Variants in TP63 observed in about 807,000 individuals in gnomAD.
TP63 encodes tumor protein 63.
In TP63, 17 loss-of-function variants were observed where a neutral mutation model predicts 82.8. The ratio of observed to expected loss-of-function variants is 0.21; its 90% CI spans 0.14 to 0.31. The LOEUF is 0.31. Ranked by LOEUF, TP63 falls within the 10% of genes least tolerant of loss-of-function variation. The probability of loss-of-function intolerance (pLI) is 1.00; values close to 1 mark genes in which losing one functional copy is unlikely to be tolerated. For missense variants in TP63, 648 were observed against 895.3 expected, an observed-to-expected ratio of 0.72 and a Z score of 3.52; for synonymous variants, 330 against 321.7, an observed-to-expected ratio of 1.03 and a Z score of -0.28.
chr3:189,844,173 C>CTTTT, intron 4 of TP63: 1 of 332,732 alleles, frequency 3.0e-6, no homozygotes, highest in South Asian at 2.4e-5. Flanking sequence ...TTTCCTTTTT[C>CTTTT]TTTTTTTTTT....
the TP63 span, among the ~76,000 whole-genome samples, chr3:189,624,299 C>T: frequency 6.6e-6 from 1 of 152,026 alleles, no homozygotes; most frequent in East Asian, 1.9e-4. Context: ...CATTAAGCTA[C>T]CTCATTACCC....
the TP63 span, among the ~76,000 whole-genome samples, chr3:189,620,279 C>G: frequency 3.3e-5 from 5 of 150,814 alleles, no homozygotes; most frequent in Admixed American, 6.6e-5. Context: ...AATCCCAGCA[C>G]TTTGGGAGGC....
At chr3:189,853,388 T>C (rs1028573072) in intron 4 of TP63, among the ~76,000 whole-genome samples, 8 of 152,160 alleles carry the variant, frequency 5.3e-5, no homozygotes, top group African/African-American at 1.9e-4. Context: ...GGATCTTAAC[T>C]CCTACCACTG....
intron 4 of TP63, among the ~76,000 whole-genome samples, chr3:189,811,673 T>A (rs975641625): frequency 2.6e-4 from 39 of 152,242 alleles, no homozygotes; most frequent in Admixed American, 2.4e-3. Context: ...TTATCTTAGT[T>A]GAGCCTCATA....
At chr3:189,812,274 T>C in intron 4 of TP63, among the ~76,000 whole-genome samples, 1 of 152,212 alleles carries the variant, frequency 6.6e-6, no homozygotes. Context: ...TGATTATGTT[T>C]CCAGTTCTAC....
chr3:189,853,682 T>C (rs1056618032), intron 4 of TP63, among the ~76,000 whole-genome samples: 5 of 152,246 alleles, frequency 3.3e-5, no homozygotes, highest in Non-Finnish European at 7.3e-5. Flanking sequence ...CTTTTTCTTA[T>C]AGCACTTATC....
the TP63 span, among the ~76,000 whole-genome samples, chr3:189,612,306 A>G: frequency 6.6e-6 from 1 of 151,976 alleles, no homozygotes; most frequent in Non-Finnish European, 1.5e-5. Flanking sequence ...CATGGAGACC[A>G]GTCTTTCCTG....
chr3:189,794,332 A>G (rs912197436), intron 3 of TP63, among the ~76,000 whole-genome samples: 2 of 149,268 alleles, frequency 1.3e-5, no homozygotes, highest in African/African-American at 4.8e-5. Context: ...GCATGCAATT[A>G]TAATACAGGA....
chr3:189,710,779 T>A (rs1718537799), intron 1 of TP63, among the ~76,000 whole-genome samples: 1 of 152,128 alleles, frequency 6.6e-6, no homozygotes, highest in South Asian at 2.1e-4. Context: ...GTTGCCAGAT[T>A]TCCTGCTGGC....
rs150615978 is a variant in TP63, at chr3:189,690,781, T to C, written c.63-46959T>C. 2.0e-5 allele frequency among the ~76,000 whole-genome samples: 3 copies of C among 152,302 alleles called. No homozygotes were observed. The East Asian group carries it at 5.8e-4, about 29-fold the overall frequency. ...ATCCTTCTATTAATGCAATTTCTGATCATTACTGGATTATTTTAGAGGCAC... is the reference window on the plus strand; with the variant it reads ...ATCCTTCTATTAATGCAATTTCTGACCATTACTGGATTATTTTAGAGGCAC... On this transcript the variant is annotated intron_variant, in intron 1 of 13. Transcript: ENST00000264731.
intron 3 of TP63, among the ~76,000 whole-genome samples, chr3:189,771,302 A>ATATATT (rs1723327051): frequency 2.4e-5 from 3 of 123,390 alleles, no homozygotes; most frequent in Admixed American, 8.6e-5. Context: ...TATTATATTT[A>ATATATT]TATATATAAT....
At chr3:189,847,099 T>C (rs1714982468) in intron 4 of TP63, among the ~76,000 whole-genome samples, 1 of 152,148 alleles carries the variant, frequency 6.6e-6, no homozygotes, top group South Asian at 2.1e-4. Flanking sequence ...GTCTCACGCC[T>C]ATAATCCCAG....
chr3:189,690,237 A>G (rs1008655347), intron 1 of TP63, among the ~76,000 whole-genome samples: 2 of 152,176 alleles, frequency 1.3e-5, no homozygotes, highest in East Asian at 1.9e-4. Flanking sequence ...GAACCCAACA[A>G]ACAATCTGTA....
chr3:189,848,239 T>TCTCTCTCTC (rs372147574), intron 4 of TP63, among the ~76,000 whole-genome samples: 3 of 95,980 alleles, frequency 3.1e-5, no homozygotes, highest in African/African-American at 8.5e-5. Context: ...CTCCTCCTCC[T>TCTCTCTCTC]TCTCTCTCTC....
chr3:189,772,794 T>TC (rs939675506), intron 3 of TP63, among the ~76,000 whole-genome samples: 1 of 152,012 alleles, frequency 6.6e-6, no homozygotes, highest in African/African-American at 2.4e-5. Flanking sequence ...GGGGATCAAA[T>TC]CCCCCCTTTG....
At chr3:189,875,454 T>C (rs1317530904) in intron 10 of TP63, among the ~76,000 whole-genome samples, 1 of 150,740 alleles carries the variant, frequency 6.6e-6, no homozygotes, top group African/African-American at 2.4e-5. Flanking sequence ...TAGTCCCAGC[T>C]ACTTGGGAGG....
At chr3:189,751,182 G>T (rs1398871400) in intron 3 of TP63, among the ~76,000 whole-genome samples, 2 of 152,164 alleles carry the variant, frequency 1.3e-5, no homozygotes, top group East Asian at 3.8e-4. Flanking sequence ...GTATTCCATG[G>T]TGTATATGTG....
chr3:189,695,662 A>G (rs1451397141), intron 1 of TP63, among the ~76,000 whole-genome samples: 2 of 152,198 alleles, frequency 1.3e-5, no homozygotes, highest in African/African-American at 4.8e-5. Flanking sequence ...TGATTTCTCC[A>G]ACTTTTATTC....
chr3:189,658,466 CAA>C (rs1713584696), intron 1 of TP63, among the ~76,000 whole-genome samples: 1 of 151,936 alleles, frequency 6.6e-6, no homozygotes, highest in African/African-American at 2.4e-5. Flanking sequence ...AGAAACTTTG[CAA>C]ACACTCCTCA....
Sources: allele counts gnomAD v4.1 joint callset (sites outside exome capture counted in the v4.1 genomes callset), GRCh38; gene constraint gnomAD v4.1.1; transcripts MANE v1.5; gene names NCBI Gene and HGNC (gene_info 2026-07-23, HGNC 2026-07-21).